SIPA1L3: variants seen among roughly 807,000 people sequenced by gnomAD.
SIPA1L3 encodes signal-induced proliferation-associated 1-like protein 3.
SIPA1L3 carries 59 observed loss-of-function variants against 150.1 expected under a neutral mutation model. The ratio of observed to expected loss-of-function variants is 0.39; its 90% CI spans 0.32 to 0.49. The LOEUF (loss-of-function observed/expected upper bound fraction) is 0.49. Among genes scored for constraint, SIPA1L3 ranks in the 20% least tolerant of loss-of-function variants. SIPA1L3 has a pLI of 0.86. For missense variants in SIPA1L3, 2,211 were observed against 2,489.5 expected (o/e 0.89, Z 2.38); for synonymous variants, 1,070 against 1,077.6 (o/e 0.99, Z 0.14).
intron 9 of SIPA1L3, among the ~76,000 whole-genome samples, chr19:38,127,575 C>T (rs929021915): frequency 6.6e-5 from 10 of 152,128 alleles, no homozygotes; most frequent in Non-Finnish European, 1.3e-4. Flanking sequence ...ACTGCAGTGT[C>T]ACTCTCCTGG....
intron 1 of SIPA1L3, among the ~76,000 whole-genome samples, chr19:37,927,558 G>A (rs2046515185): frequency 6.9e-6 from 1 of 144,776 alleles, no homozygotes; most frequent in Admixed American, 6.9e-5. Context: ...GTGTGTGTGT[G>A]TGTACGTACC....
intron 1 of SIPA1L3, among the ~76,000 whole-genome samples, chr19:37,977,463 C>A (rs990800056): frequency 6.6e-6 from 1 of 152,214 alleles, no homozygotes; most frequent in Non-Finnish European, 1.5e-5. Context: ...GGCCACTTCA[C>A]CCGGCCTCAT....
intron 1 of SIPA1L3, among the ~76,000 whole-genome samples, chr19:37,980,893 C>T: frequency 6.6e-6 from 1 of 152,200 alleles, no homozygotes. Flanking sequence ...TGGGAGGTTT[C>T]AGGCCTGTTC....
chr19:38,007,278 C>A (rs1967967689), intron 1 of SIPA1L3, among the ~76,000 whole-genome samples: 1 of 152,044 alleles, frequency 6.6e-6, no homozygotes. Context: ...CATGGTGAAA[C>A]CCTGTCTCTA....
chr19:38,126,135 C>G (rs1971166328), intron 9 of SIPA1L3, among the ~76,000 whole-genome samples: 1 of 152,062 alleles, frequency 6.6e-6, no homozygotes, highest in African/African-American at 2.4e-5. Flanking sequence ...GATTGCACCA[C>G]TGCACTCCAG....
At chr19:38,088,875 T>C in intron 4 of SIPA1L3, 24 bp downstream of exon 4, 1 of 1,609,536 alleles carries the variant, frequency 6.2e-7, no homozygotes, top group Non-Finnish European at 8.5e-7. Context: ...CTCTCGTTCT[T>C]ATTAAAGAAA....
chr19:37,911,590 G>A (rs999017140), intron 1 of SIPA1L3, among the ~76,000 whole-genome samples: 3 of 150,816 alleles, frequency 2.0e-5, no homozygotes, highest in Non-Finnish European at 4.4e-5. Flanking sequence ...CTCACTGCAA[G>A]CTCCGCCTCC....
intron 2 of SIPA1L3, among the ~76,000 whole-genome samples, chr19:38,054,367 G>T (rs925943610): frequency 6.6e-6 from 1 of 152,202 alleles, no homozygotes; most frequent in Non-Finnish European, 1.5e-5. Context: ...AGCACTTTGG[G>T]AGGCCAAGGC....
chr19:37,969,050 A>G (rs185239691), intron 1 of SIPA1L3, among the ~76,000 whole-genome samples: 1 of 152,298 alleles, frequency 6.6e-6, no homozygotes, highest in East Asian at 1.9e-4. Flanking sequence ...TTACTCTCTA[A>G]TATGCTCCAG....
intron 1 of SIPA1L3, among the ~76,000 whole-genome samples, chr19:37,922,886 T>C (rs1423912859): frequency 6.7e-6 from 1 of 148,492 alleles, no homozygotes; most frequent in African/African-American, 2.5e-5. Flanking sequence ...CCCAGCACTT[T>C]GGGAGGCCAA....
chr19:38,179,245 C>T (rs1352937004), intron 15 of SIPA1L3, among the ~76,000 whole-genome samples: 1 of 152,202 alleles, frequency 6.6e-6, no homozygotes, highest in African/African-American at 2.4e-5. Flanking sequence ...AGTTCGAGAC[C>T]AGCCTGGCCA....
chr19:38,026,573 G>A (rs1160905884), intron 1 of SIPA1L3, among the ~76,000 whole-genome samples: 1 of 152,170 alleles, frequency 6.6e-6, no homozygotes, highest in Non-Finnish European at 1.5e-5. Context: ...GTGGGTCAAA[G>A]CAACCGACGC....
At chr19:38,148,602 G>A (rs1409105546) in intron 12 of SIPA1L3, among the ~76,000 whole-genome samples, 4 of 152,162 alleles carry the variant, frequency 2.6e-5, no homozygotes, top group East Asian at 1.9e-4. Flanking sequence ...CCTGTCTATT[G>A]TTTCATCGGT....
intron 1 of SIPA1L3, among the ~76,000 whole-genome samples, chr19:37,956,222 T>C (rs1459579471): frequency 6.6e-6 from 1 of 152,232 alleles, no homozygotes. Context: ...TGTGCAGTGG[T>C]ATCTCATTGT....
intron 1 of SIPA1L3, among the ~76,000 whole-genome samples, chr19:37,974,636 G>A (rs1967033127): frequency 6.6e-6 from 1 of 152,204 alleles, no homozygotes. Context: ...TGACAGCCTG[G>A]ACAGAGGAGT....
intron 10 of SIPA1L3, among the ~76,000 whole-genome samples, chr19:38,136,474 G>A (rs1207935841): frequency 6.6e-6 from 1 of 151,978 alleles, no homozygotes; most frequent in Non-Finnish European, 1.5e-5. Flanking sequence ...CATGGTGGCA[G>A]GCGCCTGTAA....
chr19:37,939,414 A>G (rs1244690510), intron 1 of SIPA1L3, among the ~76,000 whole-genome samples: 1 of 151,902 alleles, frequency 6.6e-6, no homozygotes, highest in Non-Finnish European at 1.5e-5. Flanking sequence ...AAAAAAAAAA[A>G]AAAAAAGGAT....
chr19:38,119,188 C>T (rs1052958444), intron 8 of SIPA1L3, 118 bp from the exon 9 acceptor site: 13 of 986,098 alleles, frequency 1.3e-5, no homozygotes, highest in African/African-American at 1.1e-4. Flanking sequence ...AGAGTGAGAC[C>T]TGTCTCGATA....
At chr19:38,090,533 G>A (rs1160631094) in intron 4 of SIPA1L3, among the ~76,000 whole-genome samples, 1 of 152,182 alleles carries the variant, frequency 6.6e-6, no homozygotes, top group East Asian at 1.9e-4. Flanking sequence ...CTCCCTGGAG[G>A]AGGAGGCAGG....
Sources: gnomAD v4.1 joint callset for allele counts (sites outside exome capture counted in the v4.1 genomes callset) on GRCh38, gnomAD v4.1.1 for gene constraint, MANE v1.5 for transcripts, NCBI Gene and HGNC (gene_info 2026-07-23, HGNC 2026-07-21) for gene names.